Variants in MECOM observed in about 807,000 individuals in gnomAD.
MECOM encodes the protein histone-lysine N-methyltransferase MECOM.
A neutral mutation model predicts 116.3 loss-of-function variants in MECOM; 13 were observed. The observed-to-expected ratio is 0.11, with a 90% CI of 0.07 to 0.18. MECOM has a LOEUF of 0.18. MECOM is among the 10% of genes least tolerant of loss of function. The pLI, the probability that MECOM is intolerant of heterozygous loss-of-function variation, is 1.00. For missense variants in MECOM, 1,299 were observed against 1,509.0 expected, an observed-to-expected ratio of 0.86 and a Z score of 2.31; for synonymous variants, 528 against 535.2, an observed-to-expected ratio of 0.99 and a Z score of 0.19.
At chr3:169,441,670 T>C (rs1476310357) in intron 1 of MECOM, among the ~76,000 whole-genome samples, 2 of 151,918 alleles carry the variant, frequency 1.3e-5, no homozygotes, top group East Asian at 3.9e-4. Context: ...TTTTGGCAGA[T>C]GGGAATATCA....
chr3:169,512,611 T>C (rs532578800), intron 1 of MECOM, among the ~76,000 whole-genome samples: 1 of 152,354 alleles, frequency 6.6e-6, no homozygotes, highest in African/African-American at 2.4e-5. Context: ...AACTGTTTTG[T>C]CCAAAGTGCC....
In MECOM at chr3:169,378,491, AAG is replaced by A. The variant is rs1478452867; in HGVS notation, c.375+2694_375+2695del. Among the ~76,000 whole-genome samples, 5 of 39,804 alleles carry A rather than the reference AAG, an allele frequency of 1.3e-4. 1 individual carries two copies. The highest frequency in any genetic ancestry group is 2.2e-4 in the African/African-American group (1 of 4,620). The allele number at this position is 39,804 out of a possible 152,430, so 26.1% of individuals were successfully genotyped here. On this transcript the variant is annotated intron_variant, in intron 2 of 16. Transcript: ENST00000651503. The stretch of plus-strand genomic sequence containing the variant: ...CAAGCAAGCAAGAAAGAGAGAGAGA[AAG>A]AAAGAAAGAAAGAAAGAAAGAAAAG...
chr3:169,192,260 AT>A (rs1323432621), intron 2 of MECOM, among the ~76,000 whole-genome samples: 10 of 152,164 alleles, frequency 6.6e-5, no homozygotes, highest in Non-Finnish European at 1.3e-4. Flanking sequence ...CAGAGCCCAT[AT>A]CTTTTAGGTA....
intron 12 of MECOM, among the ~76,000 whole-genome samples, chr3:169,097,231 A>C (rs1252794544): frequency 6.6e-6 from 1 of 152,048 alleles, no homozygotes; most frequent in Non-Finnish European, 1.5e-5. Flanking sequence ...CTTGCACACA[A>C]AGGGTCTTTT....
chr3:169,586,058 G>A (rs1377259591), intron 1 of MECOM, among the ~76,000 whole-genome samples: 2 of 152,104 alleles, frequency 1.3e-5, no homozygotes, highest in East Asian at 3.8e-4. Context: ...AAGATCAACA[G>A]TCTTATGCAG....
At chr3:169,261,335 C>T (rs1757508039) in intron 2 of MECOM, among the ~76,000 whole-genome samples, 1 of 152,094 alleles carries the variant, frequency 6.6e-6, no homozygotes, top group Non-Finnish European at 1.5e-5. Context: ...CCAAATGATT[C>T]ATGTGAGATG....
intron 1 of MECOM, among the ~76,000 whole-genome samples, chr3:169,568,494 C>G (rs1003505116): frequency 3.9e-5 from 6 of 152,208 alleles, no homozygotes; most frequent in African/African-American, 1.4e-4. Flanking sequence ...GCCAGCACAG[C>G]AGTCTGAAGT....
At chr3:169,247,738 T>C (rs1755772074) in intron 2 of MECOM, among the ~76,000 whole-genome samples, 1 of 152,258 alleles carries the variant, frequency 6.6e-6, no homozygotes, top group African/African-American at 2.4e-5. Context: ...ACTACATGCT[T>C]ATCCCACAAT....
chr3:169,135,893 T>C (rs942941324), intron 3 of MECOM, among the ~76,000 whole-genome samples: 5 of 151,904 alleles, frequency 3.3e-5, no homozygotes, highest in Non-Finnish European at 7.4e-5. Context: ...AGCACACTAG[T>C]GAAATTTCTA....
intron 1 of MECOM, among the ~76,000 whole-genome samples, chr3:169,576,325 T>C (rs1047782374): frequency 2.0e-5 from 3 of 152,084 alleles, no homozygotes; most frequent in African/African-American, 7.2e-5. Context: ...CATAAAAACA[T>C]ATTTAACGCA....
intron 2 of MECOM, among the ~76,000 whole-genome samples, chr3:169,282,087 T>G (rs1302551010): frequency 3.3e-5 from 5 of 152,146 alleles, no homozygotes; most frequent in African/African-American, 9.7e-5. Context: ...ATTACCATAT[T>G]TTTTTCTTGG....
chr3:169,158,935 T>C (rs1216530819), intron 2 of MECOM, among the ~76,000 whole-genome samples: 1 of 152,188 alleles, frequency 6.6e-6, no homozygotes, highest in East Asian at 1.9e-4. Flanking sequence ...ATGGCTCTCA[T>C]AATTCAACTC....
At chr3:169,272,088 A>T in intron 2 of MECOM, among the ~76,000 whole-genome samples, 1 of 152,126 alleles carries the variant, frequency 6.6e-6, no homozygotes, top group East Asian at 1.9e-4. Flanking sequence ...ATGATCGAAT[A>T]CCCCACTCAT....
chr3:169,463,423 C>T (rs1478494681), intron 1 of MECOM, among the ~76,000 whole-genome samples: 1 of 152,104 alleles, frequency 6.6e-6, no homozygotes, highest in Non-Finnish European at 1.5e-5. Flanking sequence ...CAAAATGGAG[C>T]TTGGCATCTG....
chr3:169,166,816 G>T (rs56095025), intron 2 of MECOM, among the ~76,000 whole-genome samples: 10,712 of 152,140 alleles, frequency 0.07, 482 homozygotes, highest in South Asian at 0.19. Flanking sequence ...AAATGTTATT[G>T]TCTATTTTTA....
chr3:169,390,673 A>C (rs891689414), intron 1 of MECOM, among the ~76,000 whole-genome samples: 2 of 152,162 alleles, frequency 1.3e-5, no homozygotes, highest in African/African-American at 2.4e-5. Context: ...GCTCTGCTTC[A>C]TTCAGCTCTG....
In MECOM at chr3:169,084,926, A is replaced by G. The variant is rs2148807868; in HGVS notation, c.3703T>C (p.Ser1235Pro). 1 of 1,614,042 alleles carries G rather than the reference A, an allele frequency of 6.2e-7. No individual in the cohort carries two copies. The highest frequency in any genetic ancestry group is 1.7e-4 in the Middle Eastern group (1 of 6,056). Reference protein sequence around the residue: ...RAAAESSAIQSISHV With the variant: ...RAAAESSAIQPISHV ...TGATAACGTCATACGTGGCTTATGG[A>G]CTGGATAGCACTGGATTCCGCCGCA... Residue 1235 changes from serine (S) to proline (P), a missense_variant, in exon 17 of 17, where the codon TCC (serine) becomes CCC (proline). By Grantham distance (74) the Ser-to-Pro change is moderately conservative. Around this residue, in one of 6 missense-constraint regions of MECOM, gnomAD observed 273 missense variants for 289.3 expected, o/e 0.94. Transcript: ENST00000651503.
chr3:169,422,086 T>TA lies in MECOM; in HGVS notation c.38-40563dup, dbSNP rs574043161. Among the ~76,000 whole-genome samples, 1,216 of 152,160 alleles carry TA rather than the reference T, an allele frequency of 8.0e-3. 6 individuals carry two copies. Among genetic ancestry groups the TA allele is most frequent in the Non-Finnish European group, 0.011 (754 of 67,978 alleles). On this transcript the variant is annotated intron_variant, in intron 1 of 16. Coordinates refer to ENST00000651503, the MANE Select transcript of MECOM (RefSeq NM_004991.4). ...TTGCTCTTTTTATTGGTTTCTTTTT[T>TA]AAAAAAAGATAGATGTTATCCTAGT...
intron 1 of MECOM, among the ~76,000 whole-genome samples, chr3:169,421,880 T>C (rs1739823431): frequency 6.6e-6 from 1 of 152,190 alleles, no homozygotes; most frequent in East Asian, 1.9e-4. Context: ...GTCTCTAACA[T>C]AGATTAGCTG....
Sources: allele counts gnomAD v4.1 joint callset (sites outside exome capture counted in the v4.1 genomes callset), GRCh38; gene constraint gnomAD v4.1.1; regional missense constraint gnomAD v4.1.1; transcripts MANE v1.5; gene names NCBI Gene and HGNC (gene_info 2026-07-23, HGNC 2026-07-21).